Variants in ATG10 observed in about 807,000 individuals in gnomAD.
The protein encoded by ATG10 is ubiquitin-like-conjugating enzyme ATG10.
A neutral mutation model predicts 32.1 loss-of-function variants in ATG10; 30 were observed. The observed-to-expected ratio is 0.94, with a 90% CI of 0.70 to 1.27. The LOEUF (loss-of-function observed/expected upper bound fraction) is 1.27. Among genes scored for constraint, ATG10 ranks in the 50% most tolerant of loss-of-function variants. The pLI, the probability that ATG10 is intolerant of heterozygous loss-of-function variation, is 0.00. For missense variants in ATG10, 233 were observed against 262.3 expected (o/e 0.89, Z 0.77); for synonymous variants, 87 against 91.5 (o/e 0.95, Z 0.28).
At chr5:82,108,260 G>A (rs904149138) in intron 3 of ATG10, among the ~76,000 whole-genome samples, 3 of 151,854 alleles carry the variant, frequency 2.0e-5, no homozygotes, top group South Asian at 2.1e-4. Context: ...TTATATCATC[G>A]TGGATAATAA....
At chr5:82,035,019 C>T (rs1215815611) in intron 2 of ATG10, among the ~76,000 whole-genome samples, 1 of 151,988 alleles carries the variant, frequency 6.6e-6, no homozygotes. Context: ...TCAAGCGATA[C>T]CCCTGCTTCA....
At chr5:82,112,982 G>T (rs1711504932) in intron 3 of ATG10, among the ~76,000 whole-genome samples, 1 of 151,850 alleles carries the variant, frequency 6.6e-6, no homozygotes, top group South Asian at 2.1e-4. Context: ...CATTTTGAGT[G>T]TCTTTAAAAG....
chr5:82,025,200 G>A (rs1485208165), intron 2 of ATG10, among the ~76,000 whole-genome samples: 2 of 152,058 alleles, frequency 1.3e-5, no homozygotes, highest in Non-Finnish European at 2.9e-5. Context: ...GCTGATACCC[G>A]GACAAGCAAT....
intron 2 of ATG10, among the ~76,000 whole-genome samples, chr5:82,035,093 G>T (rs1487173279): frequency 6.6e-6 from 1 of 151,944 alleles, no homozygotes; most frequent in African/African-American, 2.4e-5. Flanking sequence ...TGCATTTTTA[G>T]TAGAGACAGG....
chr5:82,014,948 T>C (rs527906019), intron 2 of ATG10, among the ~76,000 whole-genome samples: 51 of 152,346 alleles, frequency 3.3e-4, no homozygotes, highest in African/African-American at 1.2e-3. Context: ...TTTGGCAAGT[T>C]TTTGCAGCAG....
chr5:82,115,636 A>G (rs995950221), intron 3 of ATG10, among the ~76,000 whole-genome samples: 8 of 151,974 alleles, frequency 5.3e-5, no homozygotes, highest in African/African-American at 1.2e-4. Flanking sequence ...TTGTAACATC[A>G]TACTGTCTCA....
At chr5:82,040,342 G>A (rs1029839775) in intron 2 of ATG10, among the ~76,000 whole-genome samples, 10 of 152,274 alleles carry the variant, frequency 6.6e-5, no homozygotes, top group African/African-American at 1.9e-4. Context: ...AAAACAAACT[G>A]TATAGATTTA....
rs367708008 is a variant in ATG10, at chr5:82,130,964, A to G, written c.217-33435A>G. ...GGAGGCCATAATCCTAAGCAAATTAATGCAGGAACAGAAAACCAAATGCTA... is the reference window on the plus strand; with the variant it reads ...GGAGGCCATAATCCTAAGCAAATTAGTGCAGGAACAGAAAACCAAATGCTA... On this transcript the variant is annotated intron_variant, in intron 3 of 7. Coordinates refer to ENST00000282185, the MANE Select transcript of ATG10 (RefSeq NM_031482.5). 3.1e-4 allele frequency among the ~76,000 whole-genome samples: 47 copies of G among 152,278 alleles called. 1 individual carries two copies. In the East Asian group the frequency reaches 8.0e-3, roughly 26 times the overall value.
intron 5 of ATG10, among the ~76,000 whole-genome samples, chr5:82,229,624 A>G (rs552667322): frequency 3.9e-5 from 6 of 152,336 alleles, no homozygotes; most frequent in Admixed American, 1.3e-4. Flanking sequence ...TGTTAATGCT[A>G]TAGCCATATT....
chr5:82,071,455 C>G (rs532855420), intron 3 of ATG10, among the ~76,000 whole-genome samples: 43 of 152,260 alleles, frequency 2.8e-4, no homozygotes, highest in African/African-American at 9.6e-4. Flanking sequence ...GGGAGAGAGG[C>G]TGCAGGAGCA....
At chr5:82,199,775 T>C (rs1051511412) in intron 5 of ATG10, among the ~76,000 whole-genome samples, 46 of 152,290 alleles carry the variant, frequency 3.0e-4, no homozygotes, top group African/African-American at 1.1e-3. Context: ...ATTTCCATCC[T>C]TCCTCCACCC....
intron 5 of ATG10, among the ~76,000 whole-genome samples, chr5:82,199,063 T>A (rs143097430): frequency 6.2e-4 from 94 of 152,356 alleles, no homozygotes; most frequent in African/African-American, 2.1e-3. Flanking sequence ...ATGCTCATAT[T>A]TATTTCTTTT....
intron 3 of ATG10, among the ~76,000 whole-genome samples, chr5:82,089,658 A>G (rs1162609856): frequency 6.6e-6 from 1 of 152,150 alleles, no homozygotes; most frequent in Non-Finnish European, 1.5e-5. Context: ...AGGAAGAGAA[A>G]AAAATAGAGA....
intron 2 of ATG10, among the ~76,000 whole-genome samples, chr5:82,050,020 TCTC>T (rs1197290278): frequency 1.3e-5 from 2 of 152,078 alleles, no homozygotes; most frequent in African/African-American, 4.8e-5. Context: ...TTTCCCTCCT[TCTC>T]CTCTGACCCA....
chr5:82,147,663 G>A (rs1468930051), intron 3 of ATG10: 1 of 152,202 alleles, frequency 6.6e-6, no homozygotes, highest in Non-Finnish European at 1.5e-5. Context: ...TGGTTCAGGA[G>A]TCAGCCAGAG....
chr5:82,105,909 A>C (rs72776873), intron 3 of ATG10, among the ~76,000 whole-genome samples: 109 of 152,312 alleles, frequency 7.2e-4, no homozygotes, highest in Non-Finnish European at 5.7e-4. Flanking sequence ...GACTAAAAAT[A>C]CAATTTTGAC....
chr5:82,158,067 CT>C (rs1395791445), intron 3 of ATG10, among the ~76,000 whole-genome samples: 1 of 152,168 alleles, frequency 6.6e-6, no homozygotes, highest in East Asian at 1.9e-4. Context: ...AATAAAATAG[CT>C]GTGAAGTGTC....
chr5:82,095,796 T>G (rs895948448), intron 3 of ATG10, among the ~76,000 whole-genome samples: 6 of 152,122 alleles, frequency 3.9e-5, no homozygotes, highest in Non-Finnish European at 8.8e-5. Flanking sequence ...TCCTCATATT[T>G]CTCTCTTTCT....
intron 3 of ATG10, among the ~76,000 whole-genome samples, chr5:82,099,901 A>G (rs1046438201): frequency 6.6e-5 from 10 of 151,608 alleles, no homozygotes; most frequent in African/African-American, 9.7e-5. Context: ...TTGTCAATCA[A>G]TCACTAGTCA....
Sources: allele counts gnomAD v4.1 joint callset (sites outside exome capture counted in the v4.1 genomes callset), GRCh38; gene constraint gnomAD v4.1.1; transcripts MANE v1.5; gene names NCBI Gene and HGNC (gene_info 2026-07-23, HGNC 2026-07-21).